The following CTNNA3 variants were observed in gnomAD, a reference collection of about 807,000 sequenced individuals.
The protein encoded by CTNNA3 is catenin alpha-3.
A neutral mutation model predicts 95.7 loss-of-function variants in CTNNA3; 76 were observed. The ratio of observed to expected loss-of-function variants is 0.79; its 90% confidence interval spans 0.66 to 0.96. CTNNA3 has a LOEUF of 0.96. Among genes scored for constraint, CTNNA3 ranks in the 40% least tolerant of loss-of-function variants. The probability of loss-of-function intolerance (pLI) is 0.00; values close to 1 mark genes in which losing one functional copy is unlikely to be tolerated. For synonymous variants in CTNNA3, 431 were observed against 374.4 expected, an observed-to-expected ratio of 1.15 and a Z score of -1.74; for missense variants, 1,191 against 1,089.8, an observed-to-expected ratio of 1.09 and a Z score of -1.31.
chr10:67,051,456 CT>C (rs1280388884), intron 7 of CTNNA3, among the ~76,000 whole-genome samples: 1 of 101,152 alleles, frequency 9.9e-6, no homozygotes, highest in Admixed American at 1.6e-4. Flanking sequence ...TTTCTTTTTT[CT>C]TTTTTCTTTT....
intron 1 of CTNNA3, among the ~76,000 whole-genome samples, chr10:67,737,054 C>T (rs185309411): frequency 1.1e-3 from 161 of 152,202 alleles, no homozygotes; most frequent in Middle Eastern, 3.4e-3. Context: ...ACCTCCACCT[C>T]CCAGGTTCAA....
intron 5 of CTNNA3, among the ~76,000 whole-genome samples, chr10:67,373,834 G>C (rs1011874287): frequency 6.6e-6 from 1 of 152,114 alleles, no homozygotes; most frequent in African/African-American, 2.4e-5. Flanking sequence ...GTATAGATGA[G>C]GGCAGAGAAG....
chr10:66,010,190 A>T (rs888418508), intron 15 of CTNNA3, among the ~76,000 whole-genome samples: 1 of 152,194 alleles, frequency 6.6e-6, no homozygotes, highest in African/African-American at 2.4e-5. Context: ...TCAACATGTT[A>T]CTATCATCTA....
rs140518427 is a variant in CTNNA3 at position 66,010,137 on chromosome 10, C to T, written c.2160-21340G>A. ...CCAAAATAGGCAGTGAATGATTATC[C>T]GAAAACATTGTTCATTCTAAAATTG... is the stretch of plus-strand genomic sequence containing the variant. On this transcript the variant is annotated intron_variant, in intron 15 of 17. Transcript: ENST00000433211. Among the ~76,000 whole-genome samples, 13 of 110,698 alleles carry T rather than the reference C, an allele frequency of 1.2e-4. No homozygotes were observed. The East Asian group carries it at 1.6e-3, about 14-fold the overall frequency. The allele number at this position is 110,698 out of a possible 152,430, so 72.6% of individuals were successfully genotyped here.
intron 5 of CTNNA3, among the ~76,000 whole-genome samples, chr10:67,480,305 G>A (rs577948436): frequency 3.3e-5 from 5 of 152,282 alleles, no homozygotes; most frequent in Middle Eastern, 3.4e-3. Flanking sequence ...GAAAACTACA[G>A]GCCAATATCC....
chr10:66,083,370 C>T (rs142523292), intron 14 of CTNNA3, among the ~76,000 whole-genome samples: 3 of 152,248 alleles, frequency 2.0e-5, no homozygotes, highest in Non-Finnish European at 4.4e-5. Flanking sequence ...GACCAAGCAG[C>T]CTATGCTAGT....
At chr10:66,021,739 A>C (rs559288791) in intron 15 of CTNNA3, among the ~76,000 whole-genome samples, 2 of 152,268 alleles carry the variant, frequency 1.3e-5, no homozygotes, top group Admixed American at 6.5e-5. Context: ...ACTGAGACAG[A>C]AAAACAAAAC....
intron 17 of CTNNA3, among the ~76,000 whole-genome samples, chr10:65,966,229 C>T (rs1010919693): frequency 2.6e-5 from 4 of 152,158 alleles, no homozygotes; most frequent in Admixed American, 2.0e-4. Flanking sequence ...CAATTAATAG[C>T]AGCGAAGCAA....
At chr10:67,071,722 C>G (rs967682438) in intron 7 of CTNNA3, among the ~76,000 whole-genome samples, 21 of 152,250 alleles carry the variant, frequency 1.4e-4, no homozygotes, top group Middle Eastern at 3.4e-3. Context: ...TCTCTCCTCT[C>G]CTTTGGGACT....
At chr10:67,289,432 G>A (rs1264738986) in intron 5 of CTNNA3, among the ~76,000 whole-genome samples, 1 of 152,154 alleles carries the variant, frequency 6.6e-6, no homozygotes, top group African/African-American at 2.4e-5. Context: ...TTGTACAGAT[G>A]AGGAAACTAG....
intron 3 of CTNNA3, among the ~76,000 whole-genome samples, chr10:67,595,148 G>A (rs1435105736): frequency 6.6e-6 from 1 of 152,130 alleles, no homozygotes; most frequent in East Asian, 1.9e-4. Flanking sequence ...GTTCAGCTCT[G>A]ATTTTGGTTA....
chr10:67,566,054 T>C (rs1222655811), intron 3 of CTNNA3, among the ~76,000 whole-genome samples: 1 of 85,300 alleles, frequency 1.2e-5, no homozygotes, highest in African/African-American at 4.4e-5. Context: ...TATATATATA[T>C]ATATATATAT....
At chr10:67,558,674 G>A (rs1841349404) in intron 3 of CTNNA3, among the ~76,000 whole-genome samples, 1 of 152,246 alleles carries the variant, frequency 6.6e-6, no homozygotes, top group Non-Finnish European at 1.5e-5. Flanking sequence ...GCGAGCCAAA[G>A]CAGGGCAAGC....
chr10:66,965,660 G>A (rs371811640), intron 7 of CTNNA3, among the ~76,000 whole-genome samples: 5 of 151,194 alleles, frequency 3.3e-5, no homozygotes, highest in Non-Finnish European at 7.4e-5. Flanking sequence ...TAGAGAAAAC[G>A]GTTACTGATT....
At chr10:66,493,391 A>G (rs1424685763) in intron 11 of CTNNA3, among the ~76,000 whole-genome samples, 2 of 152,160 alleles carry the variant, frequency 1.3e-5, no homozygotes, top group Non-Finnish European at 2.9e-5. Flanking sequence ...ATAGCTTTCT[A>G]AACTCATAAG....
intron 15 of CTNNA3, among the ~76,000 whole-genome samples, chr10:66,011,013 T>C (rs1589246438): frequency 6.6e-6 from 1 of 152,218 alleles, no homozygotes; most frequent in East Asian, 1.9e-4. Flanking sequence ...CTGGCATTTG[T>C]AGTCACCCAT....
intron 13 of CTNNA3, among the ~76,000 whole-genome samples, chr10:66,144,190 C>A (rs1481100957): frequency 2.0e-5 from 3 of 152,098 alleles, no homozygotes; most frequent in Non-Finnish European, 4.4e-5. Context: ...GAATTGAGAG[C>A]AAAATGGAAT....
chr10:67,564,435 T>C lies in CTNNA3; in HGVS notation c.293-24766A>G, dbSNP rs900867596. On this transcript the variant is annotated intron_variant, in intron 3 of 17. Transcript: ENST00000433211. ...GCATGTTCTCACTCATAGGTGGGAA[T>C]TGAACAACAAGAACACTTGGACACA... 4.7e-5 allele frequency among the ~76,000 whole-genome samples: 6 copies of C among 127,084 alleles called. No homozygotes were observed. In the East Asian group the frequency reaches 8.7e-4, roughly 18 times the overall value. 83.4% of individuals were successfully genotyped at this position (127,084 alleles called of 152,430 possible). A position where few individuals can be genotyped will look rare whatever the true frequency, so the allele number is the denominator to read the frequency against.
chr10:66,651,566 C>T (rs1456271529), intron 9 of CTNNA3, among the ~76,000 whole-genome samples: 5 of 152,130 alleles, frequency 3.3e-5, no homozygotes, highest in Non-Finnish European at 7.4e-5. Flanking sequence ...GGTTGGGGGG[C>T]AGTGCTCCTG....
Sources: allele counts gnomAD v4.1 joint callset (sites outside exome capture counted in the v4.1 genomes callset), GRCh38; gene constraint gnomAD v4.1.1; transcripts MANE v1.5; gene names NCBI Gene and HGNC (gene_info 2026-07-23, HGNC 2026-07-21).